NAV3: variants seen among roughly 807,000 people sequenced by gnomAD.
NAV3 encodes neuron navigator 3, also known as pore membrane and/or filament interacting like protein 1.
In NAV3, 87 loss-of-function variants were observed where a neutral mutation model predicts 244.7. That is an observed-to-expected ratio of 0.36 (90% CI 0.30 to 0.42). The LOEUF (loss-of-function observed/expected upper bound fraction) is 0.42, where lower values mean the gene tolerates loss of function less well. NAV3 is among the 20% of genes least tolerant of loss of function. The pLI, the probability that NAV3 is intolerant of heterozygous loss-of-function variation, is 1.00. For missense variants in NAV3, 2,663 were observed against 2,893.3 expected (o/e 0.92, Z 1.83); for synonymous variants, 1,126 against 1,042.2 (o/e 1.08, Z -1.55).
At chr12:77,949,499 C>G (rs1162818194) in intron 3 of NAV3, among the ~76,000 whole-genome samples, 2 of 151,698 alleles carry the variant, frequency 1.3e-5, no homozygotes, top group Non-Finnish European at 2.9e-5. Context: ...TTTCCTTCTC[C>G]TCCTCCTCCA....
chr12:77,830,424 T>C (rs1873483845), upstream of NAV3, among the ~76,000 whole-genome samples: 1 of 152,220 alleles, frequency 6.6e-6, no homozygotes, highest in South Asian at 2.1e-4. Context: ...ATACTTTGAG[T>C]CATTCCAATG....
At chr12:78,037,376 T>G in intron 9 of NAV3, 2 of 700,606 alleles carry the variant, frequency 2.9e-6, no homozygotes, top group South Asian at 3.0e-5. Flanking sequence ...CACTTTACAC[T>G]GACTTATTAG....
rs758381782 is a variant in NAV3 at position 78,127,209 on chromosome 12, G to T, written c.4280+1G>T. On this transcript the variant is annotated splice_donor_variant, in intron 17 of 39. Coordinates refer to ENST00000397909, the MANE Select transcript of NAV3 (RefSeq NM_001024383.2). LOFTEE classifies it high-confidence loss of function. ...ATACACTACCCAAAAAGGGACTAAG[G>T]TATATATTCCTCTCAGCACAATTGC... 6.2e-7 allele frequency: 1 copy of T among 1,613,174 alleles called. No homozygotes were observed. Among genetic ancestry groups the T allele is most frequent in the South Asian group, 1.1e-5 (1 of 90,970 alleles).
chr12:77,723,830 A>G (rs975361201), intron 2 of NAV3, among the ~76,000 whole-genome samples: 4 of 127,580 alleles, frequency 3.1e-5, no homozygotes, highest in Admixed American at 9.3e-5. Flanking sequence ...TTCTATTTCA[A>G]CCTTCTGCAA....
chr12:77,709,176 A>G, intron 2 of NAV3, among the ~76,000 whole-genome samples: 1 of 152,242 alleles, frequency 6.6e-6, no homozygotes, highest in Non-Finnish European at 1.5e-5. Flanking sequence ...GTAATCCAGC[A>G]TATAAACAGA....
chr12:78,050,131 C>A (rs2137230453), intron 10 of NAV3, 30 bp downstream of exon 10: 1 of 1,450,948 alleles, frequency 6.9e-7, no homozygotes, highest in African/African-American at 1.4e-5. Context: ...ATATTTGAGC[C>A]AATAAAGAAA....
intron 9 of NAV3, among the ~76,000 whole-genome samples, chr12:78,033,911 C>T (rs1290136917): frequency 1.3e-5 from 2 of 152,278 alleles, no homozygotes; most frequent in South Asian, 2.1e-4. Context: ...GGATCTCTCA[C>T]CTCTCTTTTC....
chr12:78,150,153 G>C (rs1369403251), intron 22 of NAV3, among the ~76,000 whole-genome samples: 1 of 152,016 alleles, frequency 6.6e-6, no homozygotes, highest in Non-Finnish European at 1.5e-5. Flanking sequence ...TACATGTATA[G>C]AAGTATGAAA....
At chr12:78,165,794 T>C (rs1478189792) in intron 23 of NAV3, among the ~76,000 whole-genome samples, 1 of 151,840 alleles carries the variant, frequency 6.6e-6, no homozygotes, top group Non-Finnish European at 1.5e-5. Context: ...TCTTTATGTT[T>C]ATCTCTATAA....
At chr12:77,869,516 A>G (rs968696879) in intron 1 of NAV3, among the ~76,000 whole-genome samples, 4 of 152,158 alleles carry the variant, frequency 2.6e-5, no homozygotes, top group African/African-American at 9.7e-5. Flanking sequence ...GGAACATGAC[A>G]TGTCTGTTCT....
At chr12:78,113,182 C>G (rs1378078158) in intron 12 of NAV3, among the ~76,000 whole-genome samples, 1 of 152,254 alleles carries the variant, frequency 6.6e-6, no homozygotes, top group Non-Finnish European at 1.5e-5. Flanking sequence ...GCTGCTTTTA[C>G]AAGCTAGTGT....
chr12:77,752,040 T>A (rs543307739), intron 2 of NAV3, among the ~76,000 whole-genome samples: 43 of 152,324 alleles, frequency 2.8e-4, no homozygotes, highest in Middle Eastern at 3.4e-3. Context: ...AGAATGGGTG[T>A]CAGCTTCCTA....
intron 9 of NAV3, among the ~76,000 whole-genome samples, chr12:78,032,752 T>C (rs961173048): frequency 6.6e-6 from 1 of 152,210 alleles, no homozygotes; most frequent in Non-Finnish European, 1.5e-5. Context: ...TTGGCTTGAG[T>C]TTTATTCTCA....
rs2139851527 is a variant in NAV3 at position 78,188,650 on chromosome 12, G to A, written c.5928G>A (p.Leu1976=). The A allele has an allele frequency of 6.2e-7, 1 of 1,612,058 alleles. No homozygotes were observed. Among genetic ancestry groups the A allele is most frequent in the Non-Finnish European group, 8.5e-7 (1 of 1,178,854 alleles). Residue 1976 remains leucine (L), a synonymous_variant, in exon 33 of 40, where the codon CTG becomes CTA. Coordinates refer to ENST00000397909, the MANE Select transcript of NAV3 (RefSeq NM_001024383.2). ...FRIDTSTSLG[L]SSDCIASYCI... ...TTGATACATCCACTAGCCTTGGTCTGAGCTCTGACTGCATTGCTAGCTACT... is the reference window on the plus strand; with the variant it reads ...TTGATACATCCACTAGCCTTGGTCTAAGCTCTGACTGCATTGCTAGCTACT...
At chr12:78,199,249 G>A (rs1959362418) in intron 36 of NAV3, 86 bp from the exon 37 acceptor site, 3 of 1,052,028 alleles carry the variant, frequency 2.9e-6, no homozygotes, top group Non-Finnish European at 4.2e-6. Flanking sequence ...AAGTAATAAT[G>A]AATAAATAAA....
At chr12:77,879,152 T>G (rs1003868923) in intron 1 of NAV3, among the ~76,000 whole-genome samples, 6 of 151,894 alleles carry the variant, frequency 4.0e-5, no homozygotes, top group South Asian at 2.1e-4. Context: ...TAAGGGAGAG[T>G]TGCGAACCCG....
intron 12 of NAV3, among the ~76,000 whole-genome samples, chr12:78,060,338 T>C (rs1593429473): frequency 6.6e-6 from 1 of 152,152 alleles, no homozygotes; most frequent in South Asian, 2.1e-4. Context: ...CTAATATTAG[T>C]CTTCAGTTTC....
At chr12:77,949,338 G>A (rs1202878319) in intron 3 of NAV3, among the ~76,000 whole-genome samples, 1 of 151,962 alleles carries the variant, frequency 6.6e-6, no homozygotes, top group Non-Finnish European at 1.5e-5. Flanking sequence ...GTCTCATTGA[G>A]GCGATCTGTG....
intron 1 of NAV3, among the ~76,000 whole-genome samples, chr12:77,891,107 C>T (rs1883882852): frequency 6.6e-6 from 1 of 151,468 alleles, no homozygotes; most frequent in African/African-American, 2.4e-5. Context: ...CTTGGTATTC[C>T]TGTCTTAAAT....
Sources: gnomAD v4.1 joint callset for allele counts (sites outside exome capture counted in the v4.1 genomes callset) on GRCh38, gnomAD v4.1.1 for gene constraint, MANE v1.5 for transcripts, NCBI Gene and HGNC (gene_info 2026-07-23, HGNC 2026-07-21) for gene names.